The following PTPRG variants were observed in gnomAD, a reference collection of about 807,000 sequenced individuals.
PTPRG encodes the protein receptor-type tyrosine-protein phosphatase gamma.
PTPRG carries 102 observed loss-of-function variants against 165.3 expected under a neutral mutation model. The observed-to-expected ratio is 0.62, with a 90% CI of 0.53 to 0.73. PTPRG has a LOEUF of 0.73. PTPRG is among the 30% of genes least tolerant of loss of function. PTPRG has a pLI of 0.00. For missense variants in PTPRG, 1,866 were observed against 1,861.4 expected (o/e 1.00, Z -0.05); for synonymous variants, 675 against 669.5 (o/e 1.01, Z -0.13).
chr3:62,211,651 C>T (rs190214962), intron 12 of PTPRG, among the ~76,000 whole-genome samples: 30 of 152,218 alleles, frequency 2.0e-4, no homozygotes, highest in African/African-American at 6.0e-4. Flanking sequence ...GCATATCGTC[C>T]TTCTCTTTAT....
intron 1 of PTPRG, among the ~76,000 whole-genome samples, chr3:61,713,139 A>G (rs1200780576): frequency 1.3e-5 from 2 of 150,772 alleles, no homozygotes; most frequent in Admixed American, 6.6e-5. Context: ...CAGGGTTTTG[A>G]CAGATTATCT....
intron 2 of PTPRG, among the ~76,000 whole-genome samples, chr3:61,890,549 A>T (rs1324420380): frequency 6.6e-6 from 1 of 151,618 alleles, no homozygotes; most frequent in Non-Finnish European, 1.5e-5. Context: ...ACATTCCTTG[A>T]AGCAGCTATT....
At chr3:61,667,272 AC>A (rs1463719852) in intron 1 of PTPRG, among the ~76,000 whole-genome samples, 18 of 152,274 alleles carry the variant, frequency 1.2e-4, no homozygotes, top group Non-Finnish European at 1.3e-4. Context: ...GGACATTCTA[AC>A]CTCGATGTAT....
intron 5 of PTPRG, among the ~76,000 whole-genome samples, chr3:62,104,939 TATCTAGGTAATAGG>T (rs1193101648): frequency 2.6e-5 from 4 of 152,338 alleles, no homozygotes; most frequent in Non-Finnish European, 5.9e-5. Flanking sequence ...ACATTGCTTA[TATCTAGGTAATAGG>T]ATACATTTTT....
chr3:62,282,652 G>A lies in PTPRG; in HGVS notation c.3913-75G>A, dbSNP rs778750111. The A allele has an allele frequency of 2.3e-4, 334 of 1,460,010 alleles. 1 individual carries two copies. The highest frequency in any genetic ancestry group is 2.9e-4 in the Non-Finnish European group (312 of 1,091,848). The allele number at this position is 1,460,010 out of a possible 1,614,324, so 90.4% of individuals were successfully genotyped here. A position where few individuals can be genotyped will look rare whatever the true frequency, so the allele number is the denominator to read the frequency against. Reference sequence around the variant, plus strand: ...TACCTATAACACATGGCTTTCTCAGGAGCAAGTTCTAGTCATTAGATTGTA... The same window carrying A: ...TACCTATAACACATGGCTTTCTCAGAAGCAAGTTCTAGTCATTAGATTGTA... On this transcript the variant is annotated intron_variant, in intron 27 of 29. Transcript: ENST00000474889.
chr3:62,282,562 A>C (rs1197729427), intron 27 of PTPRG, among the ~76,000 whole-genome samples, 165 bp from the exon 28 acceptor site: 2 of 151,698 alleles, frequency 1.3e-5, no homozygotes, highest in African/African-American at 2.4e-5. Context: ...AACAAAAAAA[A>C]AAAACCTTCC....
chr3:61,976,378 C>T (rs1159284401), intron 2 of PTPRG, among the ~76,000 whole-genome samples: 1 of 152,164 alleles, frequency 6.6e-6, no homozygotes, highest in Non-Finnish European at 1.5e-5. Context: ...CAGGATCTCC[C>T]TAGTTCCCAA....
intron 2 of PTPRG, among the ~76,000 whole-genome samples, chr3:61,755,519 A>T (rs2106943482): frequency 6.6e-6 from 1 of 152,344 alleles, no homozygotes; most frequent in South Asian, 2.1e-4. Flanking sequence ...GTTTTAAAGT[A>T]GAATTTCTTT....
At chr3:62,285,218 A>G (rs991796964) in intron 28 of PTPRG, among the ~76,000 whole-genome samples, 3 of 152,116 alleles carry the variant, frequency 2.0e-5, no homozygotes, top group African/African-American at 7.2e-5. Context: ...ACGAACGGGT[A>G]TGTGTTTTAA....
intron 2 of PTPRG, among the ~76,000 whole-genome samples, chr3:61,981,679 A>T (rs1328648888): frequency 6.6e-6 from 1 of 152,172 alleles, no homozygotes; most frequent in Non-Finnish European, 1.5e-5. Flanking sequence ...ACTATCAACA[A>T]ATATTTTGTG....
At position 62,210,135 on chromosome 3, in the gene PTPRG, G is replaced by T. The variant is rs1347451295; in HGVS notation, c.2155+6185G>T. 3.3e-5 allele frequency among the ~76,000 whole-genome samples: 5 copies of T among 152,170 alleles called. No individual in the cohort carries two copies. The highest frequency in any genetic ancestry group is 9.6e-5 in the African/African-American group (4 of 41,452). On this transcript the variant is annotated intron_variant, in intron 12 of 29. Coordinates refer to ENST00000474889, the MANE Select transcript of PTPRG (RefSeq NM_002841.4). The surrounding 1 kb of genome is among the most constrained non-coding windows in gnomAD (Gnocchi z 4.1). ...GTTTGAGTCTGGTGAATTAAGCTCT[G>T]CATGAAATGGTAAGGGAGCACTTAT...
chr3:62,090,192 C>T (rs1181986632), intron 5 of PTPRG, among the ~76,000 whole-genome samples: 2 of 152,168 alleles, frequency 1.3e-5, no homozygotes, highest in African/African-American at 2.4e-5. Context: ...GGGACTTCTC[C>T]ATCCATATTA....
chr3:61,856,614 A>AG (rs2037113423), intron 2 of PTPRG, among the ~76,000 whole-genome samples: 1 of 152,174 alleles, frequency 6.6e-6, no homozygotes, highest in Admixed American at 6.5e-5. Context: ...CTGTTTATAA[A>AG]TATAGAACTA....
intron 1 of PTPRG, among the ~76,000 whole-genome samples, chr3:61,720,248 C>G (rs565983549): frequency 8.0e-4 from 122 of 152,060 alleles, no homozygotes; most frequent in African/African-American, 2.8e-3. Flanking sequence ...CTCAGCCTCC[C>G]GAGTAGCTGG....
At chr3:61,678,577 C>G (rs1703318244) in intron 1 of PTPRG, among the ~76,000 whole-genome samples, 1 of 152,086 alleles carries the variant, frequency 6.6e-6, no homozygotes, top group Non-Finnish European at 1.5e-5. Context: ...TCGGAGCATC[C>G]CCAGACAAGA....
intron 1 of PTPRG, among the ~76,000 whole-genome samples, chr3:61,726,149 G>A (rs1475387866): frequency 6.6e-6 from 1 of 152,162 alleles, no homozygotes; most frequent in Admixed American, 6.5e-5. Context: ...CTATGACCTT[G>A]TGACATAAAT....
intron 1 of PTPRG, among the ~76,000 whole-genome samples, chr3:61,576,641 A>G (rs72888662): frequency 9.7e-4 from 147 of 152,318 alleles, no homozygotes; most frequent in African/African-American, 3.5e-3. Context: ...TGCCTATAAT[A>G]AGGCAGATTA....
At chr3:61,941,185 A>G (rs1247589583) in intron 2 of PTPRG, among the ~76,000 whole-genome samples, 1 of 152,262 alleles carries the variant, frequency 6.6e-6, no homozygotes, top group Non-Finnish European at 1.5e-5. Context: ...CATACTTGTC[A>G]TAATAATCCA....
chr3:61,896,353 C>G (rs1458039595), intron 2 of PTPRG, among the ~76,000 whole-genome samples: 2 of 152,102 alleles, frequency 1.3e-5, no homozygotes, highest in Non-Finnish European at 2.9e-5. Context: ...TGGAATAATT[C>G]TCGGGAACTC....
Sources: allele counts gnomAD v4.1 joint callset (sites outside exome capture counted in the v4.1 genomes callset), GRCh38; gene constraint gnomAD v4.1.1; non-coding constraint Gnocchi (gnomAD v3.1); transcripts MANE v1.5; gene names NCBI Gene and HGNC (gene_info 2026-07-23, HGNC 2026-07-21).